The following GPR21 variants were observed in gnomAD, a reference collection of about 807,000 sequenced individuals.
GPR21 encodes probable G protein-coupled receptor 21.
GPR21 carries 9 observed loss-of-function variants against 21.5 expected under a neutral mutation model. The observed-to-expected ratio is 0.42, with a 90% CI of 0.25 to 0.73. GPR21 has a LOEUF of 0.73. GPR21 is among the 30% of genes least tolerant of loss of function. The pLI is 0.27. For synonymous variants in GPR21, 169 were observed against 159.3 expected (o/e 1.06, Z -0.46); for missense variants, 416 against 428.9 (o/e 0.97, Z 0.27).
rs1440336322 is a variant in GPR21, at chr9:123,035,658, G to A, written c.*42G>A. 1 of 849,560 alleles carries A rather than the reference G, an allele frequency of 1.2e-6. No homozygotes were observed. Among genetic ancestry groups the A allele is most frequent in the Non-Finnish European group, 1.8e-6 (1 of 545,544 alleles). 52.6% of individuals were successfully genotyped at this position (849,560 alleles called of 1,614,324 possible). ...GGTTCCCGTGTGTGTGTGTGTGTGTGTGTGTGTGTGTGTGTGTGTGTGTGT... is the reference window on the plus strand; with the variant it reads ...GGTTCCCGTGTGTGTGTGTGTGTGTATGTGTGTGTGTGTGTGTGTGTGTGT... On this transcript the variant is annotated 3_prime_UTR_variant, in exon 2 of 2. Transcript: ENST00000616002.
the GPR21 span, among the ~76,000 whole-genome samples, chr9:123,043,196 GAAAT>G: frequency 3.3e-5 from 5 of 152,146 alleles, no homozygotes; most frequent in East Asian, 1.9e-4. Flanking sequence ...AATGAGGGAG[GAAAT>G]AAATAAAGAG....
chr9:123,047,607 CTTA>C, the GPR21 span, among the ~76,000 whole-genome samples: 1 of 152,034 alleles, frequency 6.6e-6, no homozygotes, highest in Admixed American at 6.6e-5. Context: ...TTTTTTGATA[CTTA>C]TTAAGATTCT....
chr9:123,040,953 T>C, the GPR21 span, among the ~76,000 whole-genome samples: 5 of 152,130 alleles, frequency 3.3e-5, no homozygotes. Flanking sequence ...CTATTTATGG[T>C]AATACCCAGA....
chr9:123,046,349 G>T, the GPR21 span, among the ~76,000 whole-genome samples: 4 of 152,170 alleles, frequency 2.6e-5, no homozygotes, highest in Non-Finnish European at 5.9e-5. Context: ...GTCTTATGCA[G>T]AAAATACAAT....
At chr9:123,048,418 A>G in the GPR21 span, among the ~76,000 whole-genome samples, 3 of 152,226 alleles carry the variant, frequency 2.0e-5, no homozygotes, top group Non-Finnish European at 2.9e-5. Flanking sequence ...TAACTTGAGC[A>G]ATATGAGACT....
rs749126440 is a variant in GPR21, at chr9:123,034,791, C to T, written c.225C>T (p.Asp75=). Residue 75 remains aspartate (D), a synonymous_variant, in exon 2 of 2, where the codon GAC becomes GAT. Coordinates refer to ENST00000616002, the MANE Select transcript of GPR21 (RefSeq NM_005294.3). ...TTATCCAGACTATGGCATATGCTGA[C>T]CTTTTTGTTGGGGTGAGCTGCGTGG... ...SYFIQTMAYA[D]LFVGVSCVVP... is the part of the protein sequence containing the mutation. 3 of 1,613,692 alleles carry T rather than the reference C, an allele frequency of 1.9e-6. No individual in the cohort carries two copies. Among genetic ancestry groups the T allele is most frequent in the Non-Finnish European group, 8.5e-7 (1 of 1,179,738 alleles).
chr9:123,036,404 T>C (rs1477278597), downstream of GPR21, among the ~76,000 whole-genome samples: 2 of 152,238 alleles, frequency 1.3e-5, no homozygotes, highest in East Asian at 1.9e-4. Context: ...AATATCTGAA[T>C]TGTTAGATTT....
rs2032510387 is a variant in GPR21, at chr9:123,034,633, G to C, written c.67G>C (p.Glu23Gln). The change falls in exon 2 of 2, where the codon GAA becomes CAA. Residue 23 changes from glutamate (E) to glutamine (Q), a missense_variant. Physicochemically the swap from Glu to Gln is conservative, Grantham distance 29. Coordinates refer to ENST00000616002, the MANE Select transcript of GPR21 (RefSeq NM_005294.3). The part of the protein sequence containing the change: ...PFCLLAFGYL[E>Q]TVNFCLLEVL... The stretch of plus-strand genomic sequence containing the variant: ...TTGCCTCTTGGCATTTGGCTATTTG[G>C]AAACTGTCAATTTTTGCCTTTTGGA... The C allele has an allele frequency of 6.2e-7, 1 of 1,613,772 alleles. No individual in the cohort carries two copies. Among genetic ancestry groups the C allele is most frequent in the South Asian group, 1.1e-5 (1 of 91,070 alleles).
the GPR21 span, among the ~76,000 whole-genome samples, chr9:123,046,645 A>G: frequency 6.6e-6 from 1 of 152,250 alleles, no homozygotes; most frequent in African/African-American, 2.4e-5. Context: ...AGTGCTTGGC[A>G]TGCAGTAAGC....
rs1359173497 is a variant in GPR21 at position 123,034,544 on chromosome 9, G to T, written c.-23G>T. 5.3e-6 allele frequency: 8 copies of T among 1,498,326 alleles called. No individual in the cohort carries two copies. Among genetic ancestry groups the T allele is most frequent in the Non-Finnish European group, 6.4e-6 (7 of 1,098,894 alleles). The allele number at this position is 1,498,326 out of a possible 1,614,324, so 92.8% of individuals were successfully genotyped here. On this transcript the variant is annotated 5_prime_UTR_variant, in exon 2 of 2. The change abolishes the stop of an existing upstream ORF in the 5' untranslated region. Transcript: ENST00000616002. ...CAGCAGCCAAGCGGCAGCATGAAGT[G>T]ACAGATCACTCCTGAGCTCAAGATG...
At chr9:123,041,951 T>A in the GPR21 span, among the ~76,000 whole-genome samples, 1 of 152,122 alleles carries the variant, frequency 6.6e-6, no homozygotes, top group East Asian at 1.9e-4. Context: ...TGAATCCCCA[T>A]CCCACCTGAA....
downstream of GPR21, chr9:123,035,713 A>G (rs2032617504): frequency 1.3e-6 from 1 of 792,646 alleles, no homozygotes; most frequent in Non-Finnish European, 2.0e-6. Context: ...CTAATTCACT[A>G]GGAAATCTGG....
chr9:123,040,722 C>G, the GPR21 span, among the ~76,000 whole-genome samples: 3 of 152,104 alleles, frequency 2.0e-5, no homozygotes, highest in African/African-American at 7.2e-5. Context: ...GGGAGCCGCT[C>G]ATCTTAGTTT....
chr9:123,043,984 T>C, the GPR21 span, among the ~76,000 whole-genome samples: 3 of 147,952 alleles, frequency 2.0e-5, no homozygotes, highest in Non-Finnish European at 4.5e-5. Flanking sequence ...CACTGCAAGC[T>C]CCGCCTCCCG....
chr9:123,045,175 T>G, the GPR21 span, among the ~76,000 whole-genome samples: 1 of 152,326 alleles, frequency 6.6e-6, no homozygotes, highest in East Asian at 1.9e-4. Flanking sequence ...ACTTACTGAG[T>G]TGAATTGTTA....
downstream of GPR21, among the ~76,000 whole-genome samples, chr9:123,036,918 A>T (rs1251754979): frequency 6.6e-6 from 1 of 151,864 alleles, no homozygotes; most frequent in Non-Finnish European, 1.5e-5. Context: ...TGTAGTAGTG[A>T]TGTTTGTTCT....
chr9:123,034,708 A>T lies in GPR21; in HGVS notation c.142A>T (p.Ile48Phe), dbSNP rs1206082409. The change falls in exon 2 of 2, where the codon ATT becomes TTT. Residue 48 changes from isoleucine to phenylalanine, a missense_variant. Transcript: ENST00000616002. ...LTVLIISGNI[I>F]VIFVFHCAPL... ...TGTATTGATTATTTCTGGCAACATCATTGTGATTTTTGTATTTCACTGTGC... is the reference window on the plus strand; with the variant it reads ...TGTATTGATTATTTCTGGCAACATCTTTGTGATTTTTGTATTTCACTGTGC... The T allele has an allele frequency of 6.2e-7, 1 of 1,613,542 alleles. No individual in the cohort carries two copies. Among genetic ancestry groups the T allele is most frequent in the East Asian group, 2.2e-5 (1 of 44,898 alleles).
At chr9:123,038,360 A>T (rs1027636865), downstream of GPR21, among the ~76,000 whole-genome samples, 5 of 152,086 alleles carry the variant, frequency 3.3e-5, no homozygotes, top group African/African-American at 1.2e-4. Flanking sequence ...AAGGATTGGG[A>T]AAACTTGAAT....
downstream of GPR21, among the ~76,000 whole-genome samples, chr9:123,036,307 A>G (rs371641251): frequency 5.3e-5 from 8 of 152,362 alleles, no homozygotes; most frequent in African/African-American, 9.6e-5. Flanking sequence ...TTTTTGTGCC[A>G]TGCTTCACAG....
Sources: allele counts gnomAD v4.1 joint callset (sites outside exome capture counted in the v4.1 genomes callset), GRCh38; gene constraint gnomAD v4.1.1; transcripts MANE v1.5; gene names NCBI Gene and HGNC (gene_info 2026-07-23, HGNC 2026-07-21).